Variants in GABRG3 observed in about 807,000 individuals in gnomAD.
GABRG3 encodes the protein gamma-aminobutyric acid type A receptor subunit gamma3.
Under a neutral mutation model 48.8 loss-of-function variants are expected in GABRG3, and 25 were observed. The ratio of observed to expected loss-of-function variants is 0.51; its 90% CI spans 0.37 to 0.72. The LOEUF (loss-of-function observed/expected upper bound fraction) is 0.72, where lower values mean the gene tolerates loss of function less well. Ranked by LOEUF, GABRG3 falls within the 30% of genes least tolerant of loss-of-function variation. The probability of loss-of-function intolerance (pLI) is 0.00; values close to 1 mark genes in which losing one functional copy is unlikely to be tolerated. For synonymous variants in GABRG3, 227 were observed against 217.6 expected (o/e 1.04, Z -0.38); for missense variants, 394 against 577.9 (o/e 0.68, Z 3.26).
intron 3 of GABRG3, among the ~76,000 whole-genome samples, chr15:27,241,425 T>A (rs1253875427): frequency 6.6e-6 from 1 of 152,226 alleles, no homozygotes; most frequent in East Asian, 1.9e-4. Flanking sequence ...ACAGCAGCAA[T>A]GGCCTTATTT....
intron 3 of GABRG3, among the ~76,000 whole-genome samples, chr15:27,115,144 C>T (rs1257384025): frequency 1.3e-5 from 2 of 151,388 alleles, no homozygotes; most frequent in Non-Finnish European, 1.5e-5. Flanking sequence ...TATTCTTTTT[C>T]ACTAATGGTG....
intron 3 of GABRG3, among the ~76,000 whole-genome samples, chr15:27,191,499 G>A (rs1400696589): frequency 6.6e-6 from 1 of 152,050 alleles, no homozygotes; most frequent in African/African-American, 2.4e-5. Context: ...TGTCTCTTTT[G>A]ATCTTTGTTA....
intron 3 of GABRG3, among the ~76,000 whole-genome samples, chr15:27,303,456 T>TA (rs928176442): frequency 2.0e-5 from 3 of 151,860 alleles, no homozygotes; most frequent in Admixed American, 1.3e-4. Context: ...TTTCATAGTT[T>TA]AAAAAAATGT....
rs557170659 is a variant in GABRG3 at position 27,355,146 on chromosome 15, C to A, written c.574+26258C>A. Among the ~76,000 whole-genome samples the A allele has an allele frequency of 3.3e-5, 5 of 152,300 alleles. No individual in the cohort carries two copies. The South Asian group carries it at 1.0e-3, about 32-fold the overall frequency. On this transcript the variant is annotated intron_variant, in intron 5 of 9. Transcript: ENST00000615808. The stretch of plus-strand genomic sequence containing the variant: ...ACACCTGCTTATCTCTTAGACTGTT[C>A]ATGTCTCAATATGTACCACCAGATG...
At position 27,457,122 on chromosome 15, in the gene GABRG3, T is replaced by C. The variant is rs1035567769; in HGVS notation, c.575-23528T>C. On this transcript the variant is annotated intron_variant, in intron 5 of 9. Coordinates refer to ENST00000615808, the MANE Select transcript of GABRG3 (RefSeq NM_033223.5). The surrounding 1 kb of genome is among the most constrained non-coding windows in gnomAD (Gnocchi z 4.4). Reference sequence around the variant, plus strand: ...CAGCTTGACACCAACACGGTGGGTGTGAGTGGAGGGTGGGGAGTTGTAGCA... The same window carrying C: ...CAGCTTGACACCAACACGGTGGGTGCGAGTGGAGGGTGGGGAGTTGTAGCA... Among the ~76,000 whole-genome samples the C allele has an allele frequency of 6.6e-6, 1 of 152,022 alleles. No individual in the cohort carries two copies. The highest frequency in any genetic ancestry group is 2.4e-5 in the African/African-American group (1 of 41,400).
chr15:27,142,528 T>G (rs1326836687), intron 3 of GABRG3, among the ~76,000 whole-genome samples: 3 of 152,106 alleles, frequency 2.0e-5, no homozygotes, highest in Non-Finnish European at 4.4e-5. Flanking sequence ...TTCAATTATC[T>G]CCTACCAGGT....
chr15:27,059,193 A>G (rs1202834738), intron 3 of GABRG3, among the ~76,000 whole-genome samples: 1 of 152,240 alleles, frequency 6.6e-6, no homozygotes, highest in East Asian at 1.9e-4. Context: ...AAAGGTTGCC[A>G]TACATGCTCT....
At chr15:27,393,056 T>G (rs1190918094) in intron 5 of GABRG3, among the ~76,000 whole-genome samples, 1 of 152,158 alleles carries the variant, frequency 6.6e-6, no homozygotes, top group East Asian at 1.9e-4. Context: ...ATTAGAAATC[T>G]GGATGTGGTC....
At chr15:27,248,745 AAG>A (rs1446913666) in intron 3 of GABRG3, among the ~76,000 whole-genome samples, 3 of 148,022 alleles carry the variant, frequency 2.0e-5, no homozygotes, top group African/African-American at 7.6e-5. Flanking sequence ...CTAAAAATGG[AAG>A]AGTTTTAGGT....
chr15:27,229,326 T>C (rs975278541), intron 3 of GABRG3, among the ~76,000 whole-genome samples: 1 of 152,220 alleles, frequency 6.6e-6, no homozygotes, highest in Non-Finnish European at 1.5e-5. Context: ...ATATCATTTA[T>C]TGCATAGGCA....
chr15:27,110,054 C>A (rs1356568198), intron 3 of GABRG3, among the ~76,000 whole-genome samples: 2 of 152,048 alleles, frequency 1.3e-5, no homozygotes, highest in South Asian at 2.1e-4. Context: ...AGCTATATAT[C>A]AAAAATCTTT....
At chr15:27,072,624 CG>C (rs1211233457) in intron 3 of GABRG3, among the ~76,000 whole-genome samples, 1 of 152,130 alleles carries the variant, frequency 6.6e-6, no homozygotes, top group Non-Finnish European at 1.5e-5. Flanking sequence ...AGGAACAGGT[CG>C]GGGGCAGTGC....
At chr15:26,977,894 G>A (rs1249781615) in intron 2 of GABRG3, among the ~76,000 whole-genome samples, 2 of 152,214 alleles carry the variant, frequency 1.3e-5, no homozygotes, top group African/African-American at 2.4e-5. Context: ...TTAAGGAACC[G>A]TCAAACTGTT....
intron 3 of GABRG3, among the ~76,000 whole-genome samples, chr15:27,308,068 A>T (rs1215217276): frequency 8.1e-6 from 1 of 123,724 alleles, no homozygotes; most frequent in Non-Finnish European, 1.6e-5. Context: ...ATATATAAAC[A>T]TATATGTTTA....
At chr15:27,467,635 A>G (rs1595774314) in intron 5 of GABRG3, among the ~76,000 whole-genome samples, 1 of 152,224 alleles carries the variant, frequency 6.6e-6, no homozygotes, top group Non-Finnish European at 1.5e-5. Context: ...TCATTGGCTA[A>G]ATATAGCCTT....
chr15:27,215,271 T>A (rs1889210468), intron 3 of GABRG3, among the ~76,000 whole-genome samples: 1 of 152,188 alleles, frequency 6.6e-6, no homozygotes, highest in Non-Finnish European at 1.5e-5. Context: ...CCACAGCCCC[T>A]GAACTCCCTG....
At chr15:27,191,271 G>A (rs1353901657) in intron 3 of GABRG3, among the ~76,000 whole-genome samples, 3 of 152,038 alleles carry the variant, frequency 2.0e-5, no homozygotes, top group South Asian at 2.1e-4. Context: ...TGAATTCCTG[G>A]GTATCCTTGT....
chr15:27,381,159 TA>T (rs887654433), intron 5 of GABRG3, among the ~76,000 whole-genome samples: 6 of 152,264 alleles, frequency 3.9e-5, no homozygotes, highest in Middle Eastern at 3.4e-3. Flanking sequence ...CCCCCATCTT[TA>T]AATGAGACAG....
At chr15:27,224,738 A>C (rs891503416) in intron 3 of GABRG3, among the ~76,000 whole-genome samples, 12 of 152,228 alleles carry the variant, frequency 7.9e-5, no homozygotes, top group African/African-American at 2.9e-4. Context: ...GATTATTTTC[A>C]CATCCCTGCA....
Sources: allele counts gnomAD v4.1 joint callset (sites outside exome capture counted in the v4.1 genomes callset), GRCh38; gene constraint gnomAD v4.1.1; non-coding constraint Gnocchi (gnomAD v3.1); transcripts MANE v1.5; gene names NCBI Gene and HGNC (gene_info 2026-07-23, HGNC 2026-07-21).